Variants in TAFA2 observed in about 807,000 individuals in gnomAD.
The protein encoded by TAFA2 is TAFA chemokine like family member 2.
In TAFA2, 7 loss-of-function variants were observed where a neutral mutation model predicts 18.8. That is an observed-to-expected ratio of 0.37 (90% confidence interval 0.21 to 0.70). The LOEUF (loss-of-function observed/expected upper bound fraction) is 0.70. TAFA2 is among the 30% of genes least tolerant of loss of function. The probability of loss-of-function intolerance (pLI) is 0.53; values close to 1 mark genes in which losing one functional copy is unlikely to be tolerated. For missense variants in TAFA2, 122 were observed against 158.1 expected (o/e 0.77, Z 1.23); for synonymous variants, 60 against 54.2 (o/e 1.11, Z -0.47).
rs148943941 is a variant in TAFA2, at chr12:61,816,505, T to C, written c.106+50815A>G. 3.5e-3 allele frequency among the ~76,000 whole-genome samples: 537 copies of C among 151,480 alleles called. 27 individuals carry two copies. Among genetic ancestry groups the C allele is most frequent in the African/African-American group, 0.012 (505 of 40,776 alleles). ...CATTTGCATGCATGTGTCTTTATTGTAGAATAATTTATATTCCCCTGAGTA... is the reference window on the plus strand; with the variant it reads ...CATTTGCATGCATGTGTCTTTATTGCAGAATAATTTATATTCCCCTGAGTA... On this transcript the variant is annotated intron_variant, in intron 2 of 4. Coordinates refer to ENST00000416284, the MANE Select transcript of TAFA2 (RefSeq NM_178539.5).
intron 1 of TAFA2, among the ~76,000 whole-genome samples, chr12:62,238,640 A>G (rs1302791080): frequency 6.6e-6 from 1 of 152,210 alleles, no homozygotes; most frequent in Non-Finnish European, 1.5e-5. Context: ...GAAACCTTCA[A>G]TTTATAAATC....
In TAFA2 at chr12:61,774,801, C is replaced by T. The variant is rs140375607; in HGVS notation, c.107-19777G>A. Among the ~76,000 whole-genome samples, 1,377 of 151,316 alleles carry T rather than the reference C, an allele frequency of 9.1e-3. 22 individuals are homozygous for T. The highest frequency in any genetic ancestry group is 0.032 in the African/African-American group (1,310 of 41,318). On this transcript the variant is annotated intron_variant, in intron 2 of 4. Transcript: ENST00000416284. Reference sequence around the variant, plus strand: ...CCAAACACCTCCTGTTCTGCATAAACCTATTGAAATAAAAAATAAAAATTA... The same window carrying T: ...CCAAACACCTCCTGTTCTGCATAAATCTATTGAAATAAAAAATAAAAATTA...
At chr12:62,171,619 C>T (rs2062478623) in intron 1 of TAFA2, among the ~76,000 whole-genome samples, 1 of 152,156 alleles carries the variant, frequency 6.6e-6, no homozygotes, top group African/African-American at 2.4e-5. Context: ...CATGTGAGGA[C>T]ACAGCAAGGG....
At chr12:62,244,124 C>A (rs539488648) in intron 1 of TAFA2, among the ~76,000 whole-genome samples, 10 of 148,428 alleles carry the variant, frequency 6.7e-5, no homozygotes, top group African/African-American at 2.5e-4. Context: ...GTATTGTATG[C>A]TCATTAAGAA....
chr12:62,102,314 A>T (rs1382715416), intron 1 of TAFA2, among the ~76,000 whole-genome samples: 1 of 152,236 alleles, frequency 6.6e-6, no homozygotes, highest in Non-Finnish European at 1.5e-5. Flanking sequence ...AATCAGCTGC[A>T]ATATCATGAC....
chr12:62,065,219 T>C (rs1882453826), intron 1 of TAFA2, among the ~76,000 whole-genome samples: 1 of 152,042 alleles, frequency 6.6e-6, no homozygotes, highest in African/African-American at 2.4e-5. Flanking sequence ...TTACACAACT[T>C]ATGTGTTTTA....
intron 1 of TAFA2, among the ~76,000 whole-genome samples, chr12:62,189,940 T>TGTG (rs2062610988): frequency 5.6e-5 from 8 of 141,926 alleles, no homozygotes; most frequent in Admixed American, 3.5e-4. Context: ...TGAGTTTGCT[T>TGTG]TGTGTGTGTG....
chr12:61,810,309 G>A (rs1871812124), intron 2 of TAFA2, among the ~76,000 whole-genome samples: 1 of 148,888 alleles, frequency 6.7e-6, no homozygotes, highest in African/African-American at 2.5e-5. Context: ...AGAAGGCTTA[G>A]CCATTACTTT....
intron 1 of TAFA2, among the ~76,000 whole-genome samples, chr12:62,156,543 C>T (rs2062370882): frequency 6.6e-6 from 1 of 152,082 alleles, no homozygotes; most frequent in African/African-American, 2.4e-5. Flanking sequence ...GTGGAACCAA[C>T]CCAAATGCCC....
At chr12:61,754,527 T>G (rs2120760424) in intron 3 of TAFA2, among the ~76,000 whole-genome samples, 1 of 152,050 alleles carries the variant, frequency 6.6e-6, no homozygotes, top group South Asian at 2.1e-4. Context: ...ACCCATAATA[T>G]TAAATCATCC....
intron 2 of TAFA2, among the ~76,000 whole-genome samples, chr12:61,839,285 T>C (rs1873072489): frequency 6.6e-6 from 1 of 152,118 alleles, no homozygotes; most frequent in Non-Finnish European, 1.5e-5. Flanking sequence ...GGAAGGCTAT[T>C]TCTCTAGTGG....
intron 3 of TAFA2, among the ~76,000 whole-genome samples, chr12:61,754,519 C>T (rs887525975): frequency 7.3e-5 from 11 of 150,168 alleles, no homozygotes; most frequent in African/African-American, 2.4e-4. Context: ...GTTTAAGAAC[C>T]CATAATATTA....
At chr12:61,758,585 C>T (rs1198242880) in intron 2 of TAFA2, among the ~76,000 whole-genome samples, 3 of 151,654 alleles carry the variant, frequency 2.0e-5, no homozygotes, top group Non-Finnish European at 4.4e-5. Flanking sequence ...TCTATTTTTC[C>T]TAAGAAATAT....
intron 1 of TAFA2, among the ~76,000 whole-genome samples, chr12:62,034,604 T>C (rs17654962): frequency 0.11 from 16,698 of 152,178 alleles, 1,071 homozygotes; most frequent in Non-Finnish European, 0.14. Context: ...GAGTATATAT[T>C]AGACAGAGAG....
intron 2 of TAFA2, among the ~76,000 whole-genome samples, chr12:61,843,917 T>TC (rs1277629645): frequency 2.0e-5 from 3 of 152,126 alleles, no homozygotes; most frequent in African/African-American, 7.2e-5. Context: ...GCACATAGCT[T>TC]CCAAGTGTTT....
intron 1 of TAFA2, among the ~76,000 whole-genome samples, chr12:62,238,735 A>C (rs2062848980): frequency 6.6e-6 from 1 of 152,226 alleles, no homozygotes; most frequent in African/African-American, 2.4e-5. Flanking sequence ...AAATATTCTA[A>C]GTACTTACTA....
At chr12:62,129,133 C>A (rs574185865) in intron 1 of TAFA2, among the ~76,000 whole-genome samples, 137 of 151,882 alleles carry the variant, frequency 9.0e-4, no homozygotes, top group African/African-American at 2.9e-3. Flanking sequence ...TTTTTATTTT[C>A]TTGGACTGTA....
chr12:62,152,852 C>T (rs192717860), intron 1 of TAFA2, among the ~76,000 whole-genome samples: 3 of 152,248 alleles, frequency 2.0e-5, no homozygotes, highest in Non-Finnish European at 2.9e-5. Context: ...CCAATCTCCA[C>T]GAATGTGTTG....
intron 2 of TAFA2, among the ~76,000 whole-genome samples, chr12:61,839,031 G>T (rs1873058036): frequency 6.6e-6 from 1 of 152,010 alleles, no homozygotes; most frequent in South Asian, 2.1e-4. Flanking sequence ...GACATGAATA[G>T]AAAGTGCGCA....
Sources: gnomAD v4.1 joint callset for allele counts (sites outside exome capture counted in the v4.1 genomes callset) on GRCh38, gnomAD v4.1.1 for gene constraint, MANE v1.5 for transcripts, NCBI Gene and HGNC (gene_info 2026-07-23, HGNC 2026-07-21) for gene names.